Variants in FOXP2 observed in about 807,000 individuals in gnomAD.
The protein encoded by FOXP2 is forkhead box P2.
In FOXP2, 12 loss-of-function variants were observed where a neutral mutation model predicts 115.8. The ratio of observed to expected loss-of-function variants is 0.10; its 90% CI spans 0.07 to 0.17. The LOEUF (loss-of-function observed/expected upper bound fraction) is 0.17. FOXP2 is among the 10% of genes least tolerant of loss of function. FOXP2 has a pLI of 1.00. For missense variants in FOXP2, 629 were observed against 843.5 expected (o/e 0.75, Z 3.15); for synonymous variants, 328 against 297.7 (o/e 1.10, Z -1.05).
At chr7:114,655,062 CAT>C (rs1253474301) in intron 10 of FOXP2, among the ~76,000 whole-genome samples, 4 of 152,006 alleles carry the variant, frequency 2.6e-5, no homozygotes, top group Non-Finnish European at 5.9e-5. Context: ...AGAAAAAAGA[CAT>C]GTATCTTTTT....
At chr7:114,141,867 A>G (rs1417213455) in intron 1 of FOXP2, among the ~76,000 whole-genome samples, 1 of 152,184 alleles carries the variant, frequency 6.6e-6, no homozygotes, top group Non-Finnish European at 1.5e-5. Context: ...GAATTTTAAT[A>G]AAATTTGCAA....
At chr7:114,313,739 C>T (rs1292153635) in intron 2 of FOXP2, among the ~76,000 whole-genome samples, 1 of 43,494 alleles carries the variant, frequency 2.3e-5, no homozygotes, top group Non-Finnish European at 3.7e-5. Flanking sequence ...AGCGAGACTC[C>T]GTCTCAAAAA....
chr7:114,200,287 C>T (rs1432095606), intron 1 of FOXP2, among the ~76,000 whole-genome samples: 1 of 152,212 alleles, frequency 6.6e-6, no homozygotes, highest in Non-Finnish European at 1.5e-5. Context: ...GAATCCAGAT[C>T]AAGCTGTAAG....
chr7:114,552,231 G>A (rs936722497), intron 3 of FOXP2, among the ~76,000 whole-genome samples: 2 of 152,156 alleles, frequency 1.3e-5, no homozygotes, highest in African/African-American at 4.8e-5. Flanking sequence ...TCTTTTAAAT[G>A]ACCTGCTGGT....
Position 114,642,435 on chromosome 7 carries a change from G to A in FOXP2, c.801G>A (p.Gln267=), listed in dbSNP as rs1366743539. 5 of 1,613,534 alleles carry A rather than the reference G, an allele frequency of 3.1e-6. No homozygotes were observed. The highest frequency in any genetic ancestry group is 4.2e-6 in the Non-Finnish European group (5 of 1,179,860). Residue 267 remains glutamine (Q), a synonymous_variant, in exon 7 of 17, where the codon CAG becomes CAA. Transcript: ENST00000350908. ...CTGGCTTAAGTCCTGCTGAGATTCA[G>A]CAGTTATGGAAAGAAGTGACTGGAG... The part of the protein sequence containing the change: ...PQAGLSPAEI[Q]QLWKEVTGVH...
At chr7:114,111,169 A>G (rs949673307) in intron 1 of FOXP2, among the ~76,000 whole-genome samples, 1 of 152,150 alleles carries the variant, frequency 6.6e-6, no homozygotes, top group African/African-American at 2.4e-5. Flanking sequence ...GTCCCCTCCC[A>G]TAGTTATTCT....
In FOXP2 at chr7:114,690,791, G is replaced by A. The variant is rs1808627025; in HGVS notation, c.*865G>A. Reference sequence around the variant, plus strand: ...CATGGCCAAGAGCTCAAGGACAGAAGCAGCCACATGCTTTGGTCAGCCTTC... The same window carrying A: ...CATGGCCAAGAGCTCAAGGACAGAAACAGCCACATGCTTTGGTCAGCCTTC... On this transcript the variant is annotated 3_prime_UTR_variant, in exon 17 of 17. Coordinates refer to ENST00000350908, the MANE Select transcript of FOXP2 (RefSeq NM_014491.4). 1 of 454,528 alleles carries A rather than the reference G, an allele frequency of 2.2e-6. No individual in the cohort carries two copies. The highest frequency in any genetic ancestry group is 4.4e-6 in the Non-Finnish European group (1 of 226,786). 28.2% of individuals were successfully genotyped at this position (454,528 alleles called of 1,614,324 possible).
At chr7:114,288,106 A>T (rs1302758114) in exon 2 of FOXP2, 1 of 453,154 alleles carries the variant, frequency 2.2e-6, no homozygotes, top group East Asian at 6.9e-5. Flanking sequence ...TCTGGAAGAA[A>T]CAGGTAAGTG....
At chr7:114,580,518 C>T (rs553242595) in intron 3 of FOXP2, among the ~76,000 whole-genome samples, 29 of 152,248 alleles carry the variant, frequency 1.9e-4, no homozygotes, top group Non-Finnish European at 1.6e-4. Context: ...GCAGAGGTTG[C>T]AGTGAGCTGA....
chr7:114,364,291 G>A (rs1791825077), intron 2 of FOXP2, among the ~76,000 whole-genome samples: 1 of 152,084 alleles, frequency 6.6e-6, no homozygotes, highest in Admixed American at 6.6e-5. Context: ...TGGAGGTCAT[G>A]GATTTCATCC....
rs569530031 is a variant in FOXP2 at position 114,408,740 on chromosome 7, A to AAAAT, written c.-10-17740_-10-17737dup. Among the ~76,000 whole-genome samples, 556 of 152,110 alleles carry AAAAT rather than the reference A, an allele frequency of 3.7e-3. 1 individual carries two copies. The highest frequency in any genetic ancestry group is 5.9e-3 in the Non-Finnish European group (404 of 67,986). On this transcript the variant is annotated intron_variant, in intron 2 of 17. Transcript: ENST00000634411. ...AGACTCCCTCTCAAAAACATAAATA[A>AAAAT]AAATAAATAAATAAATAAATAAATA...
intron 3 of FOXP2, among the ~76,000 whole-genome samples, chr7:114,559,990 C>A (rs1198003250): frequency 5.3e-5 from 8 of 152,042 alleles, no homozygotes; most frequent in African/African-American, 1.9e-4. Flanking sequence ...AATCTCAAAT[C>A]CTTCAAATAC....
intron 16 of FOXP2, chr7:114,664,708 T>A (rs976937458): frequency 2.2e-6 from 1 of 457,822 alleles, no homozygotes; most frequent in Non-Finnish European, 4.0e-6. Flanking sequence ...AAGCAGTGTC[T>A]AAGATGAATC....
chr7:114,495,178 A>C (rs1797251007), intron 2 of FOXP2, among the ~76,000 whole-genome samples: 1 of 152,162 alleles, frequency 6.6e-6, no homozygotes, highest in South Asian at 2.1e-4. Flanking sequence ...TTTGATGTGC[A>C]CTAGAATGTG....
chr7:114,440,227 A>T (rs1272137563), intron 2 of FOXP2, among the ~76,000 whole-genome samples: 4 of 152,188 alleles, frequency 2.6e-5, no homozygotes, highest in Admixed American at 6.5e-5. Context: ...ACTAAATCCT[A>T]TACCCTTTTA....
At chr7:114,362,434 A>G (rs1042915179) in intron 2 of FOXP2, among the ~76,000 whole-genome samples, 2 of 152,072 alleles carry the variant, frequency 1.3e-5, no homozygotes, top group Admixed American at 6.6e-5. Context: ...AAACAAAAAC[A>G]TGTTTCAGAT....
At chr7:114,283,956 C>T (rs1584606657) in intron 1 of FOXP2, among the ~76,000 whole-genome samples, 1 of 152,018 alleles carries the variant, frequency 6.6e-6, no homozygotes, top group African/African-American at 2.4e-5. Context: ...GAGCAAGACC[C>T]TATCTAAAAA....
At chr7:114,555,969 A>C (rs1171777892) in intron 3 of FOXP2, among the ~76,000 whole-genome samples, 1 of 152,168 alleles carries the variant, frequency 6.6e-6, no homozygotes, top group African/African-American at 2.4e-5. Flanking sequence ...TCTACCTGTC[A>C]GGAACCACTG....
intron 1 of FOXP2, among the ~76,000 whole-genome samples, chr7:114,265,804 C>G (rs927595638): frequency 6.6e-6 from 1 of 152,134 alleles, no homozygotes; most frequent in Non-Finnish European, 1.5e-5. Context: ...AGGCTTAACA[C>G]CCCAGGGAAC....
Sources: gnomAD v4.1 joint callset for allele counts (sites outside exome capture counted in the v4.1 genomes callset) on GRCh38, gnomAD v4.1.1 for gene constraint, MANE v1.5 for transcripts, NCBI Gene and HGNC (gene_info 2026-07-23, HGNC 2026-07-21) for gene names.